Variants in UBE2R2 observed in about 807,000 individuals in gnomAD.
UBE2R2 encodes the protein ubiquitin conjugating enzyme E2 R2.
Under a neutral mutation model 27.8 loss-of-function variants are expected in UBE2R2, and 1 was observed. The observed-to-expected ratio is 0.04, with a 90% CI of 0.01 to 0.17. UBE2R2 has a LOEUF of 0.17. Ranked by LOEUF, UBE2R2 falls within the 10% of genes least tolerant of loss-of-function variation. The probability of loss-of-function intolerance (pLI) is 1.00; values close to 1 mark genes in which losing one functional copy is unlikely to be tolerated. For missense variants in UBE2R2, 100 were observed against 291.0 expected (o/e 0.34, Z 4.78); for synonymous variants, 106 against 113.3 (o/e 0.94, Z 0.41).
intron 3 of UBE2R2, among the ~76,000 whole-genome samples, chr9:33,901,749 T>C (rs950638184): frequency 2.0e-5 from 3 of 152,150 alleles, no homozygotes; most frequent in Non-Finnish European, 4.4e-5. Context: ...ATCCAATTTA[T>C]TTAGAAAGAG....
chr9:33,855,183 C>A (rs1399743947), intron 1 of UBE2R2, among the ~76,000 whole-genome samples: 1 of 152,184 alleles, frequency 6.6e-6, no homozygotes, highest in Admixed American at 6.5e-5. Context: ...GCAGTACATA[C>A]TGCCCCTCAT....
At chr9:33,910,997 A>T (rs1485329575) in intron 3 of UBE2R2, among the ~76,000 whole-genome samples, 1 of 151,936 alleles carries the variant, frequency 6.6e-6, no homozygotes, top group Non-Finnish European at 1.5e-5. Context: ...CCAGCTACTC[A>T]GGAGGCTGAG....
chr9:33,823,469 G>A (rs1042474748), intron 1 of UBE2R2, among the ~76,000 whole-genome samples: 1 of 152,026 alleles, frequency 6.6e-6, no homozygotes. Context: ...TCTGCCTCCC[G>A]GGTTCAAGCA....
intron 1 of UBE2R2, among the ~76,000 whole-genome samples, chr9:33,884,225 T>TCTCTCTCTCTCTCTCTCTCTCTCC (rs753452133): frequency 2.1e-5 from 3 of 145,726 alleles, no homozygotes; most frequent in Non-Finnish European, 3.0e-5. Context: ...TCTCTCTCTC[T>TCTCTCTCTCTCTCTCTCTCTCTCC]CTCTCTCTCT....
intron 2 of UBE2R2, among the ~76,000 whole-genome samples, chr9:33,899,356 C>T (rs1048210384): frequency 6.6e-6 from 1 of 151,966 alleles, no homozygotes; most frequent in Non-Finnish European, 1.5e-5. Flanking sequence ...CGTGCCACCA[C>T]GCCCGGCTAA....
intron 2 of UBE2R2, among the ~76,000 whole-genome samples, chr9:33,894,672 A>G (rs1220544640): frequency 2.0e-5 from 3 of 152,206 alleles, no homozygotes; most frequent in Non-Finnish European, 4.4e-5. Flanking sequence ...CCAAGGTAGA[A>G]GGATTGCTTG....
rs1363288113 is a variant in UBE2R2 at position 33,819,801 on chromosome 9, G to A, written c.177+1867G>A. The stretch of plus-strand genomic sequence containing the variant: ...CTACAGGCGCACGCCACCACGCCCA[G>A]CTAATTTTTGTATTTTTAGTAGAGA... On this transcript the variant is annotated intron_variant, in intron 1 of 4. Coordinates refer to ENST00000263228, the MANE Select transcript of UBE2R2 (RefSeq NM_017811.4). 5.3e-5 allele frequency among the ~76,000 whole-genome samples: 8 copies of A among 152,158 alleles called. No homozygotes were observed. The East Asian group carries it at 1.5e-3, about 29-fold the overall frequency.
Position 33,817,850 on chromosome 9 carries a change from C to T in UBE2R2, c.93C>T (p.Thr31=), listed in dbSNP as rs1825842887. ...AACCGGTGGAGGGCTTCCGGATCAC[C>T]CTGGTGGACGAGTCCGACCTCTACA... ...QEEPVEGFRI[T]LVDESDLYNW... is the part of the protein sequence containing the mutation. The change falls in exon 1 of 5, where the codon ACC becomes ACT. Residue 31 remains threonine (T), a synonymous_variant. Coordinates refer to ENST00000263228, the MANE Select transcript of UBE2R2 (RefSeq NM_017811.4). 6.2e-7 allele frequency: 1 copy of T among 1,612,634 alleles called. No individual in the cohort carries two copies. Among genetic ancestry groups the T allele is most frequent in the Non-Finnish European group, 8.5e-7 (1 of 1,179,246 alleles).
At chr9:33,908,384 T>G (rs565324680) in intron 3 of UBE2R2, among the ~76,000 whole-genome samples, 1 of 152,298 alleles carries the variant, frequency 6.6e-6, no homozygotes, top group South Asian at 2.1e-4. Flanking sequence ...CTTGGTCTTA[T>G]GTCTACTGCT....
chr9:33,882,360 C>T (rs1243662991), intron 1 of UBE2R2, among the ~76,000 whole-genome samples: 1 of 152,144 alleles, frequency 6.6e-6, no homozygotes, highest in Non-Finnish European at 1.5e-5. Flanking sequence ...GATCTCGGCT[C>T]ACTGCAACCT....
chr9:33,881,320 A>G (rs542543906), intron 1 of UBE2R2, among the ~76,000 whole-genome samples: 3 of 152,348 alleles, frequency 2.0e-5, no homozygotes, highest in Admixed American at 6.5e-5. Context: ...GGTATAATGC[A>G]TATACCATAA....
intron 2 of UBE2R2, among the ~76,000 whole-genome samples, chr9:33,887,810 G>A (rs1450859157): frequency 6.6e-6 from 1 of 152,162 alleles, no homozygotes; most frequent in Admixed American, 6.5e-5. Flanking sequence ...CCGAGTAGCT[G>A]GGATTACAGG....
intron 1 of UBE2R2, among the ~76,000 whole-genome samples, chr9:33,852,667 A>G (rs1055986790): frequency 1.3e-5 from 2 of 152,130 alleles, no homozygotes; most frequent in Non-Finnish European, 2.9e-5. Context: ...ACTGAATGGT[A>G]GGTAACTGCG....
At chr9:33,822,645 G>T (rs933999489) in intron 1 of UBE2R2, among the ~76,000 whole-genome samples, 1 of 150,920 alleles carries the variant, frequency 6.6e-6, no homozygotes, top group Non-Finnish European at 1.5e-5. Context: ...GGCTGGTCTC[G>T]AACTCCTGGC....
chr9:33,875,204 A>G (rs1042761775), intron 1 of UBE2R2, among the ~76,000 whole-genome samples: 3 of 152,158 alleles, frequency 2.0e-5, no homozygotes, highest in Admixed American at 6.6e-5. Flanking sequence ...CTGTAATACT[A>G]TTATCACAAC....
In UBE2R2 at chr9:33,817,618, C is replaced by CCGGGCCG. The variant is rs1825829684; in HGVS notation, c.-140_-139insCGGGCCG. 21 of 1,040,194 alleles carry CCGGGCCG rather than the reference C, an allele frequency of 2.0e-5. No individual in the cohort carries two copies. The highest frequency in any genetic ancestry group is 2.5e-5 in the Non-Finnish European group (21 of 852,188). 64.4% of individuals were successfully genotyped at this position (1,040,194 alleles called of 1,614,324 possible). Reference sequence around the variant, plus strand: ...GCCCACGGGCCGTGTGGGGCCTGGTCTGGCCCGCCGGGTGTGTGAAGACCG... The same window carrying CCGGGCCG: ...GCCCACGGGCCGTGTGGGGCCTGGTCCGGGCCGTGGCCCGCCGGGTGTGTGAAGACCG... On this transcript the variant is annotated 5_prime_UTR_variant, in exon 1 of 5. Transcript: ENST00000263228.
intron 1 of UBE2R2, among the ~76,000 whole-genome samples, chr9:33,884,333 T>C (rs943206522): frequency 2.1e-5 from 3 of 143,554 alleles, no homozygotes; most frequent in African/African-American, 7.7e-5. Context: ...TGCCCAGCCC[T>C]GAGTGCAGTG....
At chr9:33,876,128 A>G (rs1001036057) in intron 1 of UBE2R2, among the ~76,000 whole-genome samples, 2 of 151,970 alleles carry the variant, frequency 1.3e-5, no homozygotes, top group Non-Finnish European at 2.9e-5. Context: ...TTGGGAGGCC[A>G]AGGCAGGTGG....
chr9:33,847,056 T>C (rs1007905132), intron 1 of UBE2R2, among the ~76,000 whole-genome samples: 28 of 151,760 alleles, frequency 1.8e-4, no homozygotes, highest in African/African-American at 6.8e-4. Context: ...TGGGTTTTTT[T>C]CCCCCTTTCA....
Sources: gnomAD v4.1 joint callset for allele counts (sites outside exome capture counted in the v4.1 genomes callset) on GRCh38, gnomAD v4.1.1 for gene constraint, MANE v1.5 for transcripts, NCBI Gene and HGNC (gene_info 2026-07-23, HGNC 2026-07-21) for gene names.